The following KIAA1549 variants were observed in gnomAD, a reference collection of about 807,000 sequenced individuals.
The protein encoded by KIAA1549 is KIAA1549.
A neutral mutation model predicts 156.4 loss-of-function variants in KIAA1549; 70 were observed. The ratio of observed to expected loss-of-function variants is 0.45; its 90% confidence interval spans 0.37 to 0.55. The LOEUF is 0.55. Among genes scored for constraint, KIAA1549 ranks in the 20% least tolerant of loss-of-function variants. KIAA1549 has a pLI of 0.00. For missense variants in KIAA1549, 2,428 were observed against 2,540.9 expected (o/e 0.96, Z 0.96); for synonymous variants, 1,103 against 1,066.4 (o/e 1.03, Z -0.67).
At chr7:138,941,603 T>C (rs113492868) in intron 1 of KIAA1549, among the ~76,000 whole-genome samples, 4 of 152,202 alleles carry the variant, frequency 2.6e-5, no homozygotes, top group Non-Finnish European at 5.9e-5. Context: ...AAAATACCTG[T>C]GCGACAGAAG....
intron 13 of KIAA1549, among the ~76,000 whole-genome samples, chr7:138,870,598 G>A (rs187684947): frequency 5.3e-5 from 8 of 152,232 alleles, no homozygotes; most frequent in African/African-American, 1.9e-4. Context: ...AAGCTGAAGT[G>A]GCTCTTTCTG....
In KIAA1549 at chr7:138,836,109, T is replaced by C; in HGVS notation, c.*1797A>G. 1 of 213,236 alleles carries C rather than the reference T, an allele frequency of 4.7e-6. No homozygotes were observed. The highest frequency in any genetic ancestry group is 9.5e-6 in the Non-Finnish European group (1 of 105,496). The allele number at this position is 213,236 out of a possible 1,614,324, so 13.2% of individuals were successfully genotyped here. On this transcript the variant is annotated 3_prime_UTR_variant, in exon 20 of 20. Coordinates refer to ENST00000422774, the MANE Select transcript of KIAA1549 (RefSeq NM_001164665.2). Reference sequence around the variant, plus strand: ...TTAAAACTTGACACAGATACACAGGTTTTGATCAGTCAGAGCCCCAAATTC... The same window carrying C: ...TTAAAACTTGACACAGATACACAGGCTTTGATCAGTCAGAGCCCCAAATTC...
intron 4 of KIAA1549, among the ~76,000 whole-genome samples, chr7:138,910,671 T>G (rs1812142498): frequency 2.0e-5 from 3 of 151,548 alleles, no homozygotes; most frequent in Middle Eastern, 3.4e-3. Context: ...GTGCTGAGAT[T>G]ACAGGCATGA....
At chr7:138,931,752 CAAA>C (rs71169066) in intron 1 of KIAA1549, among the ~76,000 whole-genome samples, 2 of 101,380 alleles carry the variant, frequency 2.0e-5, no homozygotes, top group Admixed American at 1.1e-4. Context: ...AGTCCCATCT[CAAA>C]AAAAAAAAAA....
rs1809749448 is a variant in KIAA1549 at position 138,837,475 on chromosome 7, C to T, written c.*431G>A. The stretch of plus-strand genomic sequence containing the variant: ...AAAAATTAAGCTGTTAATAAAATGT[C>T]TTCAAACCTCTTCTCAGAAAACAAA... On this transcript the variant is annotated 3_prime_UTR_variant, in exon 20 of 20. Transcript: ENST00000422774. 1 of 268,458 alleles carries T rather than the reference C, an allele frequency of 3.7e-6. No individual in the cohort carries two copies. Among genetic ancestry groups the T allele is most frequent in the African/African-American group, 2.2e-5 (1 of 46,386 alleles). 16.6% of individuals were successfully genotyped at this position (268,458 alleles called of 1,614,324 possible). A position where few individuals can be genotyped will look rare whatever the true frequency, so the allele number is the denominator to read the frequency against.
intron 16 of KIAA1549, among the ~76,000 whole-genome samples, chr7:138,859,040 C>CAT (rs748444847): frequency 4.0e-5 from 6 of 151,724 alleles, no homozygotes; most frequent in Non-Finnish European, 7.4e-5. Context: ...CACACACACA[C>CAT]ACACACACAC....
At chr7:138,870,617 A>G (rs1810899413) in intron 13 of KIAA1549, among the ~76,000 whole-genome samples, 1 of 152,176 alleles carries the variant, frequency 6.6e-6, no homozygotes. Flanking sequence ...TGAGGAGGGC[A>G]GCCCCTGGTC....
chr7:138,913,644 T>G (rs1203190728), intron 2 of KIAA1549, among the ~76,000 whole-genome samples: 1 of 149,272 alleles, frequency 6.7e-6, no homozygotes, highest in Non-Finnish European at 1.5e-5. Context: ...TATTTGATTG[T>G]TTTTTTCTAG....
At chr7:138,940,001 T>A (rs1001414311) in intron 1 of KIAA1549, among the ~76,000 whole-genome samples, 25 of 152,128 alleles carry the variant, frequency 1.6e-4, no homozygotes, top group African/African-American at 3.9e-4. Context: ...ATTTTTTTTT[T>A]AATTTTAATT....
At chr7:138,934,870 T>C (rs1812965369) in intron 1 of KIAA1549, among the ~76,000 whole-genome samples, 1 of 152,190 alleles carries the variant, frequency 6.6e-6, no homozygotes, top group African/African-American at 2.4e-5. Flanking sequence ...AGCTTCAGGT[T>C]TAGCTGGAAA....
intron 1 of KIAA1549, among the ~76,000 whole-genome samples, chr7:138,923,991 A>G (rs1045105490): frequency 3.0e-4 from 46 of 152,328 alleles, no homozygotes; most frequent in Middle Eastern, 3.4e-3. Flanking sequence ...AATAATACAA[A>G]GATTTTTTAA....
At chr7:138,978,552 A>G (rs1396432102) in intron 1 of KIAA1549, among the ~76,000 whole-genome samples, 5 of 152,328 alleles carry the variant, frequency 3.3e-5, no homozygotes, top group African/African-American at 1.2e-4. Flanking sequence ...TTTAACATAG[A>G]GATTTAACCA....
At chr7:138,907,209 A>G in intron 5 of KIAA1549, 107 bp from the exon 6 acceptor site, 1 of 885,070 alleles carries the variant, frequency 1.1e-6, no homozygotes, top group Non-Finnish European at 1.6e-6. Flanking sequence ...TAAAGGAGGT[A>G]AAGTTTTTAA....
intron 10 of KIAA1549, among the ~76,000 whole-genome samples, chr7:138,890,685 C>T (rs1811521441): frequency 6.6e-6 from 1 of 152,180 alleles, no homozygotes; most frequent in Non-Finnish European, 1.5e-5. Flanking sequence ...AAACAGCAAC[C>T]ATAGGGAATG....
intron 1 of KIAA1549, among the ~76,000 whole-genome samples, chr7:138,948,676 T>C (rs988118974): frequency 2.1e-5 from 3 of 145,064 alleles, no homozygotes; most frequent in Admixed American, 6.7e-5. Context: ...GGGTTTATAC[T>C]GTTTTTTTGT....
At chr7:138,934,132 C>T (rs1051072773) in intron 1 of KIAA1549, among the ~76,000 whole-genome samples, 12 of 152,090 alleles carry the variant, frequency 7.9e-5, no homozygotes, top group Non-Finnish European at 1.6e-4. Context: ...ATCAAAAGGG[C>T]GAGAGCACTG....
At chr7:138,885,081 G>C (rs1288875090) in intron 10 of KIAA1549, among the ~76,000 whole-genome samples, 1 of 152,116 alleles carries the variant, frequency 6.6e-6, no homozygotes, top group Non-Finnish European at 1.5e-5. Flanking sequence ...TGTAATCCCA[G>C]CTACTCGGGA....
At chr7:138,887,129 C>CA (rs1191342170) in intron 10 of KIAA1549, among the ~76,000 whole-genome samples, 4 of 152,132 alleles carry the variant, frequency 2.6e-5, no homozygotes, top group African/African-American at 9.6e-5. Flanking sequence ...AGGCTGGTCT[C>CA]AAACTCCTGA....
Position 138,952,454 on chromosome 7 carries a change from C to T in KIAA1549, c.187+28629G>A, listed in dbSNP as rs371592454. On this transcript the variant is annotated intron_variant, in intron 1 of 19. Coordinates refer to ENST00000422774, the MANE Select transcript of KIAA1549 (RefSeq NM_001164665.2). ...AGACAAACAAACATGTTTTCTTGTT[C>T]CTGTTCTTCTCAGCCAGTAAAAATC... Among the ~76,000 whole-genome samples the T allele has an allele frequency of 1.2e-4, 19 of 152,086 alleles. No homozygotes were observed. The East Asian group carries it at 1.7e-3, about 14-fold the overall frequency.
Sources: allele counts gnomAD v4.1 joint callset (sites outside exome capture counted in the v4.1 genomes callset), GRCh38; gene constraint gnomAD v4.1.1; transcripts MANE v1.5; gene names NCBI Gene and HGNC (gene_info 2026-07-23, HGNC 2026-07-21).